YAP1: variants seen among roughly 807,000 people sequenced by gnomAD.
YAP1 encodes transcriptional coactivator YAP1.
A neutral mutation model predicts 56.9 loss-of-function variants in YAP1; 5 were observed. The observed-to-expected ratio is 0.09, with a 90% CI of 0.05 to 0.18. The LOEUF (loss-of-function observed/expected upper bound fraction) is 0.18, where lower values mean the gene tolerates loss of function less well. Ranked by LOEUF, YAP1 falls within the 10% of genes least tolerant of loss-of-function variation. The pLI is 1.00. For synonymous variants in YAP1, 265 were observed against 248.1 expected (o/e 1.07, Z -0.64); for missense variants, 539 against 651.8 (o/e 0.83, Z 1.88).
intron 2 of YAP1, among the ~76,000 whole-genome samples, chr11:102,133,389 G>A (rs1221626734): frequency 4.6e-5 from 7 of 151,988 alleles, no homozygotes; most frequent in African/African-American, 1.7e-4. Flanking sequence ...TCCACCTCCT[G>A]GGTTCAAGCA....
intron 3 of YAP1, among the ~76,000 whole-genome samples, chr11:102,169,597 A>G (rs948448124): frequency 2.0e-5 from 3 of 152,238 alleles, no homozygotes; most frequent in Non-Finnish European, 4.4e-5. Context: ...TCGGGCTTGT[A>G]TTCCAAATAC....
chr11:102,202,281 A>T (rs891438944), intron 4 of YAP1, among the ~76,000 whole-genome samples: 15 of 151,126 alleles, frequency 9.9e-5, no homozygotes, highest in African/African-American at 3.7e-4. Context: ...CTCCTGCCTC[A>T]GCCTCCTGAG....
At chr11:102,156,569 G>C (rs1945959274) in intron 2 of YAP1, among the ~76,000 whole-genome samples, 1 of 152,096 alleles carries the variant, frequency 6.6e-6, no homozygotes, top group Non-Finnish European at 1.5e-5. Context: ...AAAGAGCTAG[G>C]TGGACCTTAT....
chr11:102,213,951 A>C (rs1409259020), intron 6 of YAP1, among the ~76,000 whole-genome samples: 1 of 151,958 alleles, frequency 6.6e-6, no homozygotes, highest in East Asian at 1.9e-4. Context: ...GGTGGCATGC[A>C]CCTGTAGTCC....
At chr11:102,223,385 G>A (rs1950045667) in intron 6 of YAP1, among the ~76,000 whole-genome samples, 1 of 151,810 alleles carries the variant, frequency 6.6e-6, no homozygotes, top group Non-Finnish European at 1.5e-5. Flanking sequence ...GTAGCAAAAT[G>A]TATATAGGGT....
At chr11:102,134,109 T>C (rs973684056) in intron 2 of YAP1, among the ~76,000 whole-genome samples, 3 of 152,220 alleles carry the variant, frequency 2.0e-5, no homozygotes, top group Non-Finnish European at 2.9e-5. Flanking sequence ...GCGATGACTT[T>C]TGGGAGGACA....
chr11:102,116,885 G>T (rs1296185214), intron 2 of YAP1, among the ~76,000 whole-genome samples: 1 of 152,092 alleles, frequency 6.6e-6, no homozygotes, highest in Non-Finnish European at 1.5e-5. Context: ...TGGTTACTTG[G>T]TATCTGTCAG....
intron 3 of YAP1, among the ~76,000 whole-genome samples, chr11:102,164,875 A>C (rs568127102): frequency 6.6e-6 from 1 of 152,276 alleles, no homozygotes; most frequent in African/African-American, 2.4e-5. Flanking sequence ...GGAATGCGCC[A>C]CCACGCATGG....
intron 3 of YAP1, among the ~76,000 whole-genome samples, chr11:102,173,537 A>G (rs569871368): frequency 6.6e-6 from 1 of 152,352 alleles, no homozygotes; most frequent in East Asian, 1.9e-4. Flanking sequence ...AAGAAAGAGT[A>G]GGGAACTGAC....
At chr11:102,187,653 C>T (rs566351719) in intron 4 of YAP1, among the ~76,000 whole-genome samples, 27 of 152,214 alleles carry the variant, frequency 1.8e-4, no homozygotes, top group African/African-American at 6.5e-4. Context: ...TTACCAACTG[C>T]AGAGATCAGG....
intron 2 of YAP1, among the ~76,000 whole-genome samples, chr11:102,161,147 G>A (rs929213599): frequency 7.5e-6 from 1 of 132,896 alleles, no homozygotes; most frequent in Non-Finnish European, 1.5e-5. Context: ...TGCAAGTTCC[G>A]CCTCCCAGGT....
chr11:102,141,111 G>A (rs895831811), intron 2 of YAP1, among the ~76,000 whole-genome samples: 1 of 152,098 alleles, frequency 6.6e-6, no homozygotes, highest in African/African-American at 2.4e-5. Context: ...TTCAGCTCAG[G>A]TGTTAATTCC....
chr11:102,199,590 T>A (rs933269241), intron 4 of YAP1, among the ~76,000 whole-genome samples: 3 of 152,210 alleles, frequency 2.0e-5, no homozygotes, highest in African/African-American at 7.2e-5. Context: ...GAGCAGTATG[T>A]CATGTTTTGA....
intron 3 of YAP1, among the ~76,000 whole-genome samples, chr11:102,182,792 GCCATCT>G (rs757784616): frequency 2.6e-5 from 4 of 151,752 alleles, no homozygotes; most frequent in Non-Finnish European, 4.4e-5. Context: ...CCTATTTTGG[GCCATCT>G]CTTTCCATAT....
intron 4 of YAP1, among the ~76,000 whole-genome samples, chr11:102,194,153 A>G (rs539958626): frequency 6.6e-5 from 10 of 152,322 alleles, no homozygotes; most frequent in African/African-American, 2.4e-4. Context: ...TATTTGTATT[A>G]ACTCTGTATT....
At chr11:102,204,495 G>A (rs1949025001) in intron 4 of YAP1, among the ~76,000 whole-genome samples, 1 of 152,174 alleles carries the variant, frequency 6.6e-6, no homozygotes. Context: ...ATAAATGTCA[G>A]TAGACAATAT....
At chr11:102,202,287 C>T (rs1019160238) in intron 4 of YAP1, among the ~76,000 whole-genome samples, 5 of 151,362 alleles carry the variant, frequency 3.3e-5, no homozygotes, top group Non-Finnish European at 7.4e-5. Flanking sequence ...CCTCAGCCTC[C>T]TGAGTAGCTG....
intron 6 of YAP1, among the ~76,000 whole-genome samples, chr11:102,211,702 CT>C (rs1277519376): frequency 2.6e-5 from 4 of 151,804 alleles, no homozygotes; most frequent in Middle Eastern, 6.8e-3. Flanking sequence ...AGAGTCATGT[CT>C]TTTCTTCTTT....
intron 6 of YAP1, among the ~76,000 whole-genome samples, chr11:102,218,651 C>T (rs947864938): frequency 2.0e-5 from 3 of 151,960 alleles, no homozygotes; most frequent in Non-Finnish European, 2.9e-5. Context: ...TAGGTGAATC[C>T]TTAGGTTAGT....
Sources: gnomAD v4.1 joint callset for allele counts (sites outside exome capture counted in the v4.1 genomes callset) on GRCh38, gnomAD v4.1.1 for gene constraint, MANE v1.5 for transcripts, NCBI Gene and HGNC (gene_info 2026-07-23, HGNC 2026-07-21) for gene names.